Variants in PPP1R9A observed in about 807,000 individuals in gnomAD.
The protein encoded by PPP1R9A is neurabin-1.
Under a neutral mutation model 141.9 loss-of-function variants are expected in PPP1R9A, and 59 were observed. The observed-to-expected ratio is 0.42, with a 90% CI of 0.34 to 0.52. PPP1R9A has a LOEUF of 0.52. PPP1R9A is among the 20% of genes least tolerant of loss of function. The pLI is 0.10. For synonymous variants in PPP1R9A, 500 were observed against 569.7 expected, an observed-to-expected ratio of 0.88 and a Z score of 1.74; for missense variants, 1,444 against 1,611.9, an observed-to-expected ratio of 0.90 and a Z score of 1.78.
chr7:95,267,474 A>G (rs1801475619), intron 12 of PPP1R9A, among the ~76,000 whole-genome samples: 1 of 152,232 alleles, frequency 6.6e-6, no homozygotes, highest in African/African-American at 2.4e-5. Flanking sequence ...AGCATTTCAA[A>G]TAAGTTCCAC....
intron 2 of PPP1R9A, among the ~76,000 whole-genome samples, chr7:95,058,277 A>T (rs1412281703): frequency 1.3e-5 from 2 of 152,222 alleles, no homozygotes; most frequent in African/African-American, 4.8e-5. Flanking sequence ...CTTACTAGGT[A>T]TTAGATGTTA....
In PPP1R9A at chr7:95,244,744, A is replaced by G. The variant is rs547287365; in HGVS notation, c.2113-2729A>G. Among the ~76,000 whole-genome samples, 4 of 152,256 alleles carry G rather than the reference A, an allele frequency of 2.6e-5. No individual in the cohort carries two copies. In the South Asian group the frequency reaches 6.2e-4, roughly 24 times the overall value. ...TTACAGCAGTTAGCACATTTAACTG[A>G]GAGGTGAAGCTGGGGTAATCATATT... On this transcript the variant is annotated intron_variant, in intron 8 of 19. Coordinates refer to ENST00000433360, the MANE Select transcript of PPP1R9A (RefSeq NM_001166160.2).
At chr7:94,936,867 T>TTG (rs1794826799) in intron 2 of PPP1R9A, among the ~76,000 whole-genome samples, 1 of 152,116 alleles carries the variant, frequency 6.6e-6, no homozygotes, top group Non-Finnish European at 1.5e-5. Context: ...ATTTCTCTAG[T>TTG]TGTTAAAAGA....
intron 2 of PPP1R9A, among the ~76,000 whole-genome samples, chr7:95,014,740 A>G (rs954983350): frequency 6.6e-6 from 1 of 152,074 alleles, no homozygotes; most frequent in Admixed American, 6.6e-5. Context: ...ATAGTTGTAA[A>G]ATGATTTTTC....
intron 2 of PPP1R9A, among the ~76,000 whole-genome samples, chr7:95,044,507 T>C (rs1480576374): frequency 2.6e-5 from 4 of 151,108 alleles, no homozygotes; most frequent in African/African-American, 7.3e-5. Flanking sequence ...TAAGGGACTA[T>C]ACAATCAATA....
intron 16 of PPP1R9A, among the ~76,000 whole-genome samples, chr7:95,278,864 A>G (rs1252870051): frequency 6.6e-6 from 1 of 152,134 alleles, no homozygotes; most frequent in African/African-American, 2.4e-5. Flanking sequence ...CTTCTTGGAC[A>G]GGTTTCTTAA....
At position 94,950,545 on chromosome 7, in the gene PPP1R9A, T is replaced by G. The variant is rs1241424171; in HGVS notation, c.1395+39037T>G. Reference sequence around the variant, plus strand: ...TTTTTCTTTCAGTTTGATTGGAATTTCATTGAATCTGTAGATTAAATTTGA... The same window carrying G: ...TTTTTCTTTCAGTTTGATTGGAATTGCATTGAATCTGTAGATTAAATTTGA... On this transcript the variant is annotated intron_variant, in intron 2 of 19. Transcript: ENST00000433360. 2.0e-5 allele frequency among the ~76,000 whole-genome samples: 3 copies of G among 152,090 alleles called. No individual in the cohort carries two copies. In the East Asian group the frequency reaches 5.8e-4, roughly 29 times the overall value.
At chr7:95,009,767 T>G (rs1170552992) in intron 2 of PPP1R9A, among the ~76,000 whole-genome samples, 1 of 152,160 alleles carries the variant, frequency 6.6e-6, no homozygotes, top group Non-Finnish European at 1.5e-5. Context: ...GAATTCTGGT[T>G]ACTTGGCTGT....
At chr7:95,250,911 G>T (rs572855776) in intron 10 of PPP1R9A, among the ~76,000 whole-genome samples, 220 of 152,156 alleles carry the variant, frequency 1.4e-3, no homozygotes, top group Non-Finnish European at 2.1e-3. Flanking sequence ...TGACCACGGA[G>T]ATTTTTACTA....
intron 4 of PPP1R9A, among the ~76,000 whole-genome samples, chr7:95,144,608 A>G (rs187724452): frequency 1.8e-4 from 28 of 152,306 alleles, no homozygotes; most frequent in Non-Finnish European, 3.7e-4. Context: ...AATAAAGTCC[A>G]CATATGACAA....
At chr7:95,006,196 ATTTATTTATTT>A (rs1803563089) in intron 2 of PPP1R9A, among the ~76,000 whole-genome samples, 1 of 110,316 alleles carries the variant, frequency 9.1e-6, no homozygotes, top group Non-Finnish European at 2.1e-5. Context: ...TTAAGAACTT[ATTTATTTATTT>A]ATTTATTTAT....
chr7:95,272,738 TTC>T (rs924363344), intron 14 of PPP1R9A, among the ~76,000 whole-genome samples: 6 of 152,150 alleles, frequency 3.9e-5, no homozygotes, highest in African/African-American at 1.4e-4. Flanking sequence ...GTTGAGAAAT[TTC>T]TCTTGAAGTA....
chr7:95,090,113 A>G (rs1301800638), intron 2 of PPP1R9A, among the ~76,000 whole-genome samples: 1 of 151,932 alleles, frequency 6.6e-6, no homozygotes, highest in Non-Finnish European at 1.5e-5. Flanking sequence ...TTTGTTATTA[A>G]GGATCAAGTC....
At chr7:95,288,405 AC>A in intron 18 of PPP1R9A, 130 bp from the exon 19 acceptor site, 1 of 1,315,390 alleles carries the variant, frequency 7.6e-7, no homozygotes, top group East Asian at 2.5e-5. Context: ...CACCACTAGA[AC>A]CATTAGCTTA....
intron 2 of PPP1R9A, among the ~76,000 whole-genome samples, chr7:95,079,971 A>G (rs1216388172): frequency 1.3e-5 from 2 of 152,200 alleles, no homozygotes; most frequent in Non-Finnish European, 2.9e-5. Flanking sequence ...ACAAACCCAC[A>G]GCCAATATCA....
chr7:95,200,315 G>A (rs1789268173), intron 6 of PPP1R9A, among the ~76,000 whole-genome samples: 1 of 151,020 alleles, frequency 6.6e-6, no homozygotes, highest in African/African-American at 2.4e-5. Flanking sequence ...CACCCAGGCT[G>A]GAGTGCAGTG....
intron 4 of PPP1R9A, among the ~76,000 whole-genome samples, chr7:95,135,488 C>T (rs893939151): frequency 3.3e-5 from 5 of 152,106 alleles, no homozygotes; most frequent in African/African-American, 4.8e-5. Context: ...TATTTTCAGA[C>T]ATTTTTTGAT....
chr7:95,058,780 T>G (rs1014177254), intron 2 of PPP1R9A, among the ~76,000 whole-genome samples: 10 of 151,378 alleles, frequency 6.6e-5, no homozygotes, highest in African/African-American at 2.4e-4. Context: ...GCTTTAGTTT[T>G]CTTTTCTTTT....
At chr7:95,103,698 A>G (rs1232446723) in intron 2 of PPP1R9A, among the ~76,000 whole-genome samples, 1 of 151,986 alleles carries the variant, frequency 6.6e-6, no homozygotes, top group Non-Finnish European at 1.5e-5. Flanking sequence ...ATCCATTAAA[A>G]CACTAGGCTT....
Sources: gnomAD v4.1 joint callset for allele counts (sites outside exome capture counted in the v4.1 genomes callset) on GRCh38, gnomAD v4.1.1 for gene constraint, MANE v1.5 for transcripts, NCBI Gene and HGNC (gene_info 2026-07-23, HGNC 2026-07-21) for gene names.